The following NKAIN2 variants were observed in gnomAD, a reference collection of about 807,000 sequenced individuals.
The protein encoded by NKAIN2 is sodium/potassium-transporting ATPase subunit beta-1-interacting protein 2.
Under a neutral mutation model 32.6 loss-of-function variants are expected in NKAIN2, and 14 were observed. The ratio of observed to expected loss-of-function variants is 0.43; its 90% CI spans 0.28 to 0.67. NKAIN2 has a LOEUF of 0.67. Ranked by LOEUF, NKAIN2 falls within the 30% of genes least tolerant of loss-of-function variation. The probability of loss-of-function intolerance (pLI) is 0.17; values close to 1 mark genes in which losing one functional copy is unlikely to be tolerated. For synonymous variants in NKAIN2, 80 were observed against 87.2 expected, an observed-to-expected ratio of 0.92 and a Z score of 0.46; for missense variants, 198 against 258.3, an observed-to-expected ratio of 0.77 and a Z score of 1.60.
intron 3 of NKAIN2, among the ~76,000 whole-genome samples, chr6:124,565,062 A>T (rs1253843558): frequency 6.6e-6 from 1 of 152,162 alleles, no homozygotes; most frequent in East Asian, 1.9e-4. Flanking sequence ...TTAGAGCAAG[A>T]GCAAGAGATT....
chr6:124,237,386 G>A (rs767820704), intron 1 of NKAIN2, among the ~76,000 whole-genome samples: 1 of 152,046 alleles, frequency 6.6e-6, no homozygotes, highest in South Asian at 2.1e-4. Flanking sequence ...TTTTTTGAGA[G>A]AGAGAGCCTG....
At chr6:124,771,549 G>T (rs958484697) in intron 4 of NKAIN2, among the ~76,000 whole-genome samples, 1 of 152,116 alleles carries the variant, frequency 6.6e-6, no homozygotes, top group Non-Finnish European at 1.5e-5. Flanking sequence ...ATTTTGCTGA[G>T]GGACAACAGT....
intron 3 of NKAIN2, among the ~76,000 whole-genome samples, chr6:124,586,347 G>T (rs1266480437): frequency 6.6e-6 from 1 of 152,146 alleles, no homozygotes; most frequent in East Asian, 1.9e-4. Flanking sequence ...TGTAGGAACA[G>T]AAAACCAAGT....
At chr6:124,001,041 A>G (rs900245747) in intron 1 of NKAIN2, among the ~76,000 whole-genome samples, 1 of 152,126 alleles carries the variant, frequency 6.6e-6, no homozygotes, top group Non-Finnish European at 1.5e-5. Flanking sequence ...ATATTGAAAT[A>G]TCCTGTGACT....
intron 4 of NKAIN2, among the ~76,000 whole-genome samples, chr6:124,782,649 T>A (rs1779324224): frequency 1.3e-5 from 2 of 152,142 alleles, no homozygotes; most frequent in Non-Finnish European, 2.9e-5. Flanking sequence ...ACCTTTTGTA[T>A]AGTTAATTTT....
intron 1 of NKAIN2, among the ~76,000 whole-genome samples, chr6:124,115,766 T>C (rs1423254161): frequency 6.6e-6 from 1 of 152,200 alleles, no homozygotes; most frequent in Admixed American, 6.5e-5. Context: ...CAAACTGCCA[T>C]TATAATTATG....
intron 3 of NKAIN2, among the ~76,000 whole-genome samples, chr6:124,535,088 T>G (rs1463216477): frequency 2.0e-5 from 3 of 152,270 alleles, no homozygotes; most frequent in Admixed American, 1.3e-4. Flanking sequence ...AGAAAAAGTC[T>G]GTGCGCATTC....
chr6:123,915,572 T>C (rs1318256588), intron 1 of NKAIN2, among the ~76,000 whole-genome samples: 1 of 152,196 alleles, frequency 6.6e-6, no homozygotes, highest in Non-Finnish European at 1.5e-5. Context: ...GTCTAGTTCC[T>C]ATGGTGTGTT....
In NKAIN2 at chr6:124,680,587, C is replaced by T. The variant is rs543426167; in HGVS notation, c.474+22201C>T. On this transcript the variant is annotated intron_variant, in intron 4 of 6. Coordinates refer to ENST00000368417, the MANE Select transcript of NKAIN2 (RefSeq NM_001040214.3). ...AGTGGTATTTGGCTATCAGGTGGCT[C>T]TCCCTGAACATACAAATTAAAATAT... Among the ~76,000 whole-genome samples, 5 of 152,144 alleles carry T rather than the reference C, an allele frequency of 3.3e-5. No homozygotes were observed. The South Asian group carries it at 1.0e-3, about 32-fold the overall frequency.
chr6:124,211,275 T>C (rs564837011), intron 1 of NKAIN2, among the ~76,000 whole-genome samples: 1 of 152,030 alleles, frequency 6.6e-6, no homozygotes, highest in Non-Finnish European at 1.5e-5. Context: ...AAAAGACTAA[T>C]ATCCTCCCTC....
chr6:124,562,043 G>T (rs1045103772), intron 3 of NKAIN2, among the ~76,000 whole-genome samples: 3 of 152,194 alleles, frequency 2.0e-5, no homozygotes, highest in African/African-American at 7.2e-5. Flanking sequence ...CCGAAATCTG[G>T]TGCCTTTGGG....
At chr6:124,688,356 A>G (rs1420295735) in intron 4 of NKAIN2, among the ~76,000 whole-genome samples, 1 of 152,036 alleles carries the variant, frequency 6.6e-6, no homozygotes, top group Non-Finnish European at 1.5e-5. Context: ...TAATAGCAAA[A>G]TTGAAGAAAG....
chr6:124,311,873 G>C (rs556928999), intron 2 of NKAIN2, among the ~76,000 whole-genome samples: 2 of 152,036 alleles, frequency 1.3e-5, no homozygotes, highest in Non-Finnish European at 2.9e-5. Flanking sequence ...AAGGTTAAAC[G>C]TATGTGGTAT....
intron 3 of NKAIN2, among the ~76,000 whole-genome samples, chr6:124,449,375 C>A (rs1776013316): frequency 6.6e-6 from 1 of 151,992 alleles, no homozygotes; most frequent in Non-Finnish European, 1.5e-5. Flanking sequence ...AAACATGCAC[C>A]AGCCTGAGCT....
intron 1 of NKAIN2, among the ~76,000 whole-genome samples, chr6:124,139,078 A>ATTTTTTTT (rs1161013269): frequency 0.011 from 794 of 73,280 alleles, 8 homozygotes; most frequent in South Asian, 0.05. Flanking sequence ...TTTAAATAAA[A>ATTTTTTTT]ATTTTTTTTT....
chr6:124,538,910 T>C (rs1293174696), intron 3 of NKAIN2, among the ~76,000 whole-genome samples: 1 of 152,172 alleles, frequency 6.6e-6, no homozygotes, highest in Non-Finnish European at 1.5e-5. Flanking sequence ...GTTACTCTTG[T>C]TTTATTTCTG....
intron 3 of NKAIN2, among the ~76,000 whole-genome samples, chr6:124,468,479 A>T (rs528145977): frequency 1.3e-5 from 2 of 152,264 alleles, no homozygotes; most frequent in African/African-American, 4.8e-5. Flanking sequence ...CTCTAAATTT[A>T]TGATGAAATA....
At chr6:123,961,750 C>A (rs952036410) in intron 1 of NKAIN2, among the ~76,000 whole-genome samples, 1 of 152,076 alleles carries the variant, frequency 6.6e-6, no homozygotes, top group African/African-American at 2.4e-5. Flanking sequence ...GGGAATGAAG[C>A]TTTTCCCCCT....
intron 1 of NKAIN2, among the ~76,000 whole-genome samples, chr6:123,943,951 G>A (rs534702643): frequency 6.6e-6 from 1 of 152,106 alleles, no homozygotes; most frequent in South Asian, 2.1e-4. Flanking sequence ...CTGAATTTAA[G>A]TATTTACCAA....
Sources: allele counts gnomAD v4.1 joint callset (sites outside exome capture counted in the v4.1 genomes callset), GRCh38; gene constraint gnomAD v4.1.1; transcripts MANE v1.5; gene names NCBI Gene and HGNC (gene_info 2026-07-23, HGNC 2026-07-21).